The following ANKRD31 variants were observed in gnomAD, a reference collection of about 807,000 sequenced individuals.
ANKRD31 encodes the protein ankyrin repeat domain-containing protein 31.
In ANKRD31, 147 loss-of-function variants were observed where a neutral mutation model predicts 186.0. The observed-to-expected ratio is 0.79, with a 90% CI of 0.69 to 0.91. The LOEUF is 0.91. ANKRD31 is among the 40% of genes least tolerant of loss of function. The probability of loss-of-function intolerance (pLI) is 0.00; values close to 1 mark genes in which losing one functional copy is unlikely to be tolerated. For synonymous variants in ANKRD31, 673 were observed against 736.4 expected, an observed-to-expected ratio of 0.91 and a Z score of 1.39; for missense variants, 1,986 against 2,148.8, an observed-to-expected ratio of 0.92 and a Z score of 1.50.
intron 15 of ANKRD31, among the ~76,000 whole-genome samples, chr5:75,142,706 G>A (rs1030115530): frequency 6.6e-6 from 1 of 152,084 alleles, no homozygotes; most frequent in South Asian, 2.1e-4. Context: ...AGGGTGAGGG[G>A]AATGTGGCAG....
chr5:75,229,879 A>C (rs1318027513), intron 2 of ANKRD31, among the ~76,000 whole-genome samples: 40 of 87,392 alleles, frequency 4.6e-4, no homozygotes, highest in Admixed American at 1.3e-3. Flanking sequence ...AAAAAAAAAA[A>C]AAAAAAAACA....
intron 6 of ANKRD31, 138 bp from the exon 7 acceptor site, chr5:75,196,338 A>C (rs891131035): frequency 1.8e-5 from 11 of 626,036 alleles, no homozygotes; most frequent in Admixed American, 3.8e-5. Flanking sequence ...CCCTTCCATA[A>C]ATAAAGGGAA....
At chr5:75,137,741 TA>T (rs1265135819) in intron 17 of ANKRD31, 114 bp downstream of exon 17, 3 of 1,022,022 alleles carry the variant, frequency 2.9e-6, no homozygotes, top group African/African-American at 3.3e-5. Context: ...AAGCAGGTTT[TA>T]AAAAAATCAC....
intron 25 of ANKRD31, among the ~76,000 whole-genome samples, chr5:75,079,544 A>G (rs1744924074): frequency 1.3e-5 from 2 of 151,428 alleles, no homozygotes; most frequent in African/African-American, 4.9e-5. Flanking sequence ...GCATGATCTC[A>G]GCTTACTGCA....
At chr5:75,088,376 T>C (rs2150026752) in intron 23 of ANKRD31, among the ~76,000 whole-genome samples, 1 of 152,332 alleles carries the variant, frequency 6.6e-6, no homozygotes, top group South Asian at 2.1e-4. Context: ...TAGTGTTCCT[T>C]GAAGCACTGC....
chr5:75,177,202 G>C (rs1224379365), intron 10 of ANKRD31, among the ~76,000 whole-genome samples: 1 of 152,088 alleles, frequency 6.6e-6, no homozygotes, highest in Admixed American at 6.5e-5. Flanking sequence ...AAAAAGAAAT[G>C]AACAAAGCCT....
chr5:75,230,461 AT>A, intron 2 of ANKRD31, 100 bp downstream of exon 2: 1 of 854,908 alleles, frequency 1.2e-6, no homozygotes, highest in East Asian at 3.0e-5. Flanking sequence ...CTTATAATTC[AT>A]TTTGCTTAAA....
chr5:75,077,918 C>T (rs1259649267), intron 25 of ANKRD31, among the ~76,000 whole-genome samples: 8 of 114,288 alleles, frequency 7.0e-5, no homozygotes, highest in Admixed American at 2.5e-4. Flanking sequence ...GGCGAAAGAG[C>T]GAGACTCCGT....
intron 11 of ANKRD31, among the ~76,000 whole-genome samples, chr5:75,154,725 T>A (rs114764039): frequency 1.3e-5 from 2 of 152,092 alleles, no homozygotes; most frequent in Non-Finnish European, 2.9e-5. Flanking sequence ...TGAAATGAAG[T>A]TAGCAAATAC....
chr5:75,217,167 T>C (rs189485315), intron 3 of ANKRD31, among the ~76,000 whole-genome samples: 1 of 152,324 alleles, frequency 6.6e-6, no homozygotes, highest in African/African-American at 2.4e-5. Context: ...TTAGAATATG[T>C]GCCATGTGGC....
chr5:75,176,011 T>G (rs374987647), intron 10 of ANKRD31, among the ~76,000 whole-genome samples: 7 of 152,230 alleles, frequency 4.6e-5, no homozygotes, highest in African/African-American at 1.7e-4. Flanking sequence ...AGACGGCACC[T>G]GGAAAATTGG....
intron 5 of ANKRD31, among the ~76,000 whole-genome samples, chr5:75,204,940 C>T (rs1237040973): frequency 2.6e-5 from 4 of 152,232 alleles, no homozygotes; most frequent in Non-Finnish European, 5.9e-5. Flanking sequence ...GGGCTGGAAA[C>T]ATGGCTCATG....
intron 2 of ANKRD31, among the ~76,000 whole-genome samples, chr5:75,226,045 A>G (rs559813947): frequency 6.6e-6 from 1 of 152,284 alleles, no homozygotes; most frequent in East Asian, 1.9e-4. Context: ...GGCCTATGGT[A>G]GTGATGGCCA....
intron 24 of ANKRD31, among the ~76,000 whole-genome samples, chr5:75,083,830 A>G (rs1251944926): frequency 6.6e-6 from 1 of 152,358 alleles, no homozygotes; most frequent in African/African-American, 2.4e-5. Context: ...ATTCAGTCAC[A>G]AAAAGGAATG....
intron 10 of ANKRD31, among the ~76,000 whole-genome samples, chr5:75,176,165 A>T (rs1248746254): frequency 6.6e-6 from 1 of 152,162 alleles, no homozygotes; most frequent in Non-Finnish European, 1.5e-5. Context: ...TCAAACTGCA[A>T]GGTGGCAGTG....
At position 75,184,651 on chromosome 5, in the gene ANKRD31, C is replaced by A. The variant is rs1754576780; in HGVS notation, c.1564+3842G>T. ...CACTGACTACCAGGGAAAAGCAAATCAAAACCACAATAATGTATCACCTCA... is the reference window on the plus strand; with the variant it reads ...CACTGACTACCAGGGAAAAGCAAATAAAAACCACAATAATGTATCACCTCA... On this transcript the variant is annotated intron_variant, in intron 10 of 25. Coordinates refer to ENST00000506364, the MANE Select transcript of ANKRD31 (RefSeq NM_001372053.1). Among the ~76,000 whole-genome samples, 5 of 152,038 alleles carry A rather than the reference C, an allele frequency of 3.3e-5. No individual in the cohort carries two copies. The South Asian group carries it at 1.0e-3, about 31-fold the overall frequency.
intron 5 of ANKRD31, among the ~76,000 whole-genome samples, chr5:75,201,749 C>T (rs1345272172): frequency 6.6e-6 from 1 of 152,160 alleles, no homozygotes; most frequent in African/African-American, 2.4e-5. Flanking sequence ...ATTACACCCT[C>T]CTCCCTTCTG....
chr5:75,094,468 C>T (rs1746160448), intron 22 of ANKRD31, among the ~76,000 whole-genome samples: 1 of 151,988 alleles, frequency 6.6e-6, no homozygotes, highest in African/African-American at 2.4e-5. Context: ...GAATCTGAAG[C>T]TGATTCTGAT....
At chr5:75,192,842 C>A (rs1297541461) in intron 8 of ANKRD31, 66 bp from the exon 9 acceptor site, 1 of 1,200,794 alleles carries the variant, frequency 8.3e-7, no homozygotes, top group East Asian at 2.6e-5. Context: ...GAGAATTATA[C>A]CAATTTTTGA....
Sources: allele counts gnomAD v4.1 joint callset (sites outside exome capture counted in the v4.1 genomes callset), GRCh38; gene constraint gnomAD v4.1.1; transcripts MANE v1.5; gene names NCBI Gene and HGNC (gene_info 2026-07-23, HGNC 2026-07-21).